The following STK32B variants were observed in gnomAD, a reference collection of about 807,000 sequenced individuals.
STK32B encodes the protein serine/threonine-protein kinase 32B.
In STK32B, 43 loss-of-function variants were observed where a neutral mutation model predicts 52.6. That is an observed-to-expected ratio of 0.82 (90% CI 0.64 to 1.05). The LOEUF (loss-of-function observed/expected upper bound fraction) is 1.05. Ranked by LOEUF, STK32B falls within the 50% of genes least tolerant of loss-of-function variation. STK32B has a pLI of 0.00. For synonymous variants in STK32B, 238 were observed against 204.3 expected (o/e 1.17, Z -1.41); for missense variants, 621 against 534.6 (o/e 1.16, Z -1.59).
intron 6 of STK32B, among the ~76,000 whole-genome samples, chr4:5,444,286 C>A (rs145738642): frequency 3.3e-5 from 5 of 152,196 alleles, no homozygotes; most frequent in Non-Finnish European, 7.3e-5. Flanking sequence ...AAGTCAGGTG[C>A]GGGATATAAT....
intron 3 of STK32B, among the ~76,000 whole-genome samples, chr4:5,199,458 C>T (rs1370389977): frequency 6.7e-6 from 1 of 149,692 alleles, no homozygotes; most frequent in Non-Finnish European, 1.5e-5. Flanking sequence ...TGCCTTCAAT[C>T]TTGCTTACAT....
chr4:5,180,226 A>G (rs1194940856), intron 3 of STK32B, among the ~76,000 whole-genome samples: 1 of 152,190 alleles, frequency 6.6e-6, no homozygotes, highest in Non-Finnish European at 1.5e-5. Context: ...TGCCTGAACC[A>G]TGTGATTTGC....
intron 5 of STK32B, among the ~76,000 whole-genome samples, chr4:5,402,129 G>A (rs886531): frequency 0.032 from 4,936 of 152,338 alleles, 287 homozygotes; most frequent in African/African-American, 0.11. Flanking sequence ...CACCTGTGTC[G>A]TGTTTGCCAC....
At chr4:5,194,364 C>T (rs1166208665) in intron 3 of STK32B, among the ~76,000 whole-genome samples, 1 of 152,156 alleles carries the variant, frequency 6.6e-6, no homozygotes, top group Non-Finnish European at 1.5e-5. Context: ...TCAGAAAGAA[C>T]AGGGTGGAAG....
intron 1 of STK32B, among the ~76,000 whole-genome samples, chr4:5,078,687 C>T (rs550346051): frequency 6.6e-6 from 1 of 152,146 alleles, no homozygotes; most frequent in African/African-American, 2.4e-5. Context: ...TGATGGAGCA[C>T]CCTCCATCTA....
At chr4:5,212,301 A>G (rs1316888210) in intron 3 of STK32B, among the ~76,000 whole-genome samples, 1 of 152,212 alleles carries the variant, frequency 6.6e-6, no homozygotes, top group African/African-American at 2.4e-5. Context: ...AAAAGTCAGA[A>G]CCAGGATTCA....
At chr4:5,057,323 C>G (rs1304289821) in intron 1 of STK32B, among the ~76,000 whole-genome samples, 1 of 152,182 alleles carries the variant, frequency 6.6e-6, no homozygotes, top group African/African-American at 2.4e-5. Flanking sequence ...ACTGGTTTTT[C>G]AGCGTGGACC....
At chr4:5,498,893 G>T in intron 11 of STK32B, 52 bp from the exon 12 acceptor site, 1 of 1,544,172 alleles carries the variant, frequency 6.5e-7, no homozygotes, top group Non-Finnish European at 8.8e-7. Context: ...TCCTGGATGT[G>T]CCTCCACAAC....
chr4:5,047,122 A>G (rs1332773905), upstream of STK32B, among the ~76,000 whole-genome samples: 1 of 152,220 alleles, frequency 6.6e-6, no homozygotes, highest in Non-Finnish European at 1.5e-5. Flanking sequence ...GATAAAGAAA[A>G]TGTGGTACAT....
At chr4:5,301,215 A>T (rs1435711517) in intron 3 of STK32B, among the ~76,000 whole-genome samples, 1 of 152,046 alleles carries the variant, frequency 6.6e-6, no homozygotes, top group African/African-American at 2.4e-5. Context: ...TGTATTTATG[A>T]AGGATATTGA....
intron 3 of STK32B, among the ~76,000 whole-genome samples, chr4:5,183,202 G>C (rs1202320824): frequency 2.0e-5 from 3 of 152,150 alleles, no homozygotes; most frequent in African/African-American, 7.2e-5. Flanking sequence ...CATTGGCCGG[G>C]CATGGTGGCT....
chr4:5,218,159 A>G (rs1175193206), intron 3 of STK32B, among the ~76,000 whole-genome samples: 1 of 152,154 alleles, frequency 6.6e-6, no homozygotes, highest in African/African-American at 2.4e-5. Flanking sequence ...GCTGCATGCC[A>G]CTGGTAACAC....
chr4:5,157,639 A>T (rs77798892), intron 2 of STK32B, among the ~76,000 whole-genome samples: 22,821 of 152,264 alleles, frequency 0.15, 2,179 homozygotes, highest in Non-Finnish European at 0.21. Context: ...GCAGTGGAGC[A>T]TGTAGCAGGC....
At chr4:5,049,660 A>C (rs935379232), upstream of STK32B, among the ~76,000 whole-genome samples, 1 of 152,162 alleles carries the variant, frequency 6.6e-6, no homozygotes, top group African/African-American at 2.4e-5. Flanking sequence ...GTGATTCTTC[A>C]GTTGCTTCAG....
chr4:5,278,893 A>G (rs1478497945), intron 3 of STK32B, among the ~76,000 whole-genome samples: 2 of 152,100 alleles, frequency 1.3e-5, no homozygotes, highest in African/African-American at 2.4e-5. Context: ...TTAAACAACC[A>G]TATCTCATGA....
intron 3 of STK32B, among the ~76,000 whole-genome samples, chr4:5,315,319 A>G (rs916352572): frequency 6.6e-6 from 1 of 152,194 alleles, no homozygotes; most frequent in African/African-American, 2.4e-5. Context: ...AAAAATAGTG[A>G]TAACATCAAG....
intron 3 of STK32B, among the ~76,000 whole-genome samples, chr4:5,253,789 A>G (rs973252103): frequency 1.3e-5 from 2 of 152,178 alleles, no homozygotes; most frequent in Non-Finnish European, 2.9e-5. Context: ...TGAATTTTAT[A>G]TGTTTTTGTC....
intron 3 of STK32B, among the ~76,000 whole-genome samples, chr4:5,289,239 A>G (rs1196932387): frequency 6.6e-6 from 1 of 152,208 alleles, no homozygotes. Flanking sequence ...CTAAACATAG[A>G]AAAAGCATAA....
At chr4:5,129,100 G>A (rs975583677) in intron 1 of STK32B, among the ~76,000 whole-genome samples, 1 of 152,202 alleles carries the variant, frequency 6.6e-6, no homozygotes, top group African/African-American at 2.4e-5. Flanking sequence ...TTATGGGGAA[G>A]GCAAGAGACT....
Sources: gnomAD v4.1 joint callset for allele counts (sites outside exome capture counted in the v4.1 genomes callset) on GRCh38, gnomAD v4.1.1 for gene constraint, MANE v1.5 for transcripts, NCBI Gene and HGNC (gene_info 2026-07-23, HGNC 2026-07-21) for gene names.